Variants in ZNF865 observed in about 807,000 individuals in gnomAD.
The protein encoded by ZNF865 is zinc finger protein 865.
For synonymous variants in ZNF865, 763 were observed against 750.8 expected (o/e 1.02, Z -0.27); for missense variants, 1,311 against 1,593.4 (o/e 0.82, Z 3.02).
At position 55,614,567 on chromosome 19, in the gene ZNF865, C is replaced by G; in HGVS notation, c.949C>G (p.Pro317Ala). The change falls in exon 2 of 2, where the codon CCA (proline) becomes GCA (alanine). Residue 317 changes from proline (P) to alanine (A), a missense_variant. Transcript: ENST00000568956. This position sits in a 1 kb window ranked among gnomAD's most constrained non-coding sequence, Gnocchi z 8.0. ...CCCCTCCACGGTGTCCTCGGGCCCT[C>G]CAGCCACGCCCGTGGCGCCTGCCCC... is the stretch of plus-strand genomic sequence containing the variant. The part of the protein sequence containing the change: ...AAPSTVSSGP[P>A]ATPVAPAPSA... The G allele has an allele frequency of 6.7e-7, 1 of 1,493,550 alleles. No homozygotes were observed. The highest frequency in any genetic ancestry group is 1.3e-5 in the South Asian group (1 of 78,842). The allele number at this position is 1,493,550 out of a possible 1,614,324, so 92.5% of individuals were successfully genotyped here. A position where few individuals can be genotyped will look rare whatever the true frequency, so the allele number is the denominator to read the frequency against.
Position 55,614,075 on chromosome 19 carries a change from T to G in ZNF865, c.457T>G (p.Ser153Ala). Residue 153 changes from serine to alanine, a missense_variant, in exon 2 of 2, where the codon TCG (serine) becomes GCG (alanine). Ser to Ala is a moderately conservative substitution (Grantham distance 99). Coordinates refer to ENST00000568956, the MANE Select transcript of ZNF865 (RefSeq NM_001195605.2). This position sits in a 1 kb window ranked among gnomAD's most constrained non-coding sequence, Gnocchi z 8.0. The stretch of plus-strand genomic sequence containing the variant: ...TCCGCAGTGGGGCATCGTGGACCTC[T>G]CGGGGCACCAGCACTTGTTTGGGAA... ...PTPQWGIVDL[S>A]GHQHLFGNLK... 4.1e-6 allele frequency: 6 copies of G among 1,447,382 alleles called. No homozygotes were observed. Among genetic ancestry groups the G allele is most frequent in the Non-Finnish European group, 5.4e-6 (6 of 1,107,090 alleles). The allele number at this position is 1,447,382 out of a possible 1,614,324, so 89.7% of individuals were successfully genotyped here.
Position 55,614,125 on chromosome 19 carries a change from C to CGGGCCGGGG in ZNF865, c.509_517dup (p.Gly170_Gly172dup). 1 of 1,426,784 alleles carries CGGGCCGGGG rather than the reference C, an allele frequency of 7.0e-7. No homozygotes were observed. Among genetic ancestry groups the CGGGCCGGGG allele is most frequent in the Non-Finnish European group, 9.1e-7 (1 of 1,099,846 alleles). 88.4% of individuals were successfully genotyped at this position (1,426,784 alleles called of 1,614,324 possible). On this transcript the variant is annotated inframe_insertion, in exon 2 of 2. Coordinates refer to ENST00000568956, the MANE Select transcript of ZNF865 (RefSeq NM_001195605.2). This position sits in a 1 kb window ranked among gnomAD's most constrained non-coding sequence, Gnocchi z 8.0. ...ACCTGAAGCGAGGAGGGCCCGCGTC[C>CGGGCCGGGG]GGGCCGGGGGTGACGCCTGGGCTGG...
Position 55,613,993 on chromosome 19 carries a change from C to G in ZNF865, c.375C>G (p.Pro125=). 3.9e-6 allele frequency: 6 copies of G among 1,520,636 alleles called. No individual in the cohort carries two copies. Among genetic ancestry groups the G allele is most frequent in the Non-Finnish European group, 4.4e-6 (5 of 1,138,746 alleles). The allele number at this position is 1,520,636 out of a possible 1,614,324, so 94.2% of individuals were successfully genotyped here. Residue 125 remains proline, a synonymous_variant, in exon 2 of 2, where the codon CCC becomes CCG. Transcript: ENST00000568956. ...CCCAAGCCAAGAAGCCCGATCCGCCCCTGCCGCCCGCCTTCGGGGCGCCCC... is the reference window on the plus strand; with the variant it reads ...CCCAAGCCAAGAAGCCCGATCCGCCGCTGCCGCCCGCCTTCGGGGCGCCCC... ...SSSQAKKPDP[P]LPPAFGAPPP...
In ZNF865 at chr19:55,615,947, G is replaced by T; in HGVS notation, c.2329G>T (p.Ala777Ser). 1 of 1,510,142 alleles carries T rather than the reference G, an allele frequency of 6.6e-7. No individual in the cohort carries two copies. Among genetic ancestry groups the T allele is most frequent in the Non-Finnish European group, 8.8e-7 (1 of 1,134,940 alleles). The allele number at this position is 1,510,142 out of a possible 1,614,324, so 93.5% of individuals were successfully genotyped here. A position where few individuals can be genotyped will look rare whatever the true frequency, so the allele number is the denominator to read the frequency against. ...VSGGEDAGGA[A>S]VAGAGGGASS... ...TGGGGGTGAGGACGCAGGCGGGGCG[G>T]CGGTGGCAGGTGCTGGCGGGGGTGC... Residue 777 changes from alanine to serine, a missense_variant, in exon 2 of 2, where the codon GCG becomes TCG. By Grantham distance (99) the Ala-to-Ser change is moderately conservative. Transcript: ENST00000568956.
rs1395775346 is a variant in ZNF865 at position 55,614,849 on chromosome 19, A to G, written c.1231A>G (p.Ile411Val). The G allele has an allele frequency of 2.0e-6, 3 of 1,527,436 alleles. No homozygotes were observed. Among genetic ancestry groups the G allele is most frequent in the African/African-American group, 1.4e-5 (1 of 72,430 alleles). 94.6% of individuals were successfully genotyped at this position (1,527,436 alleles called of 1,614,324 possible). A position where few individuals can be genotyped will look rare whatever the true frequency, so the allele number is the denominator to read the frequency against. ...SADLLRLPCG[I>V]CGKAFRDASY... The stretch of plus-strand genomic sequence containing the variant: ...CGACCTCCTGCGCCTGCCCTGCGGC[A>G]TCTGCGGGAAGGCCTTCCGCGACGC... The change falls in exon 2 of 2, where the codon ATC becomes GTC. Residue 411 changes from isoleucine to valine, a missense_variant. Ile to Val is a conservative substitution (Grantham distance 29). Transcript: ENST00000568956. This position sits in a 1 kb window ranked among gnomAD's most constrained non-coding sequence, Gnocchi z 8.0.
chr19:55,614,149 G>T lies in ZNF865; in HGVS notation c.531G>T (p.Leu177=). ...CCGGGCCGGGGGTGACGCCTGGGCT[G>T]GGCGCTCCCGCGGGGGCCCCAGGGC... ...PASGPGVTPG[L]GAPAGAPGPL... is the part of the protein sequence containing the mutation. The change falls in exon 2 of 2, where the codon CTG becomes CTT. Residue 177 remains leucine (L), a synonymous_variant. Transcript: ENST00000568956. The surrounding 1 kb of genome is among the most constrained non-coding windows in gnomAD (Gnocchi z 8.0). 2.1e-6 allele frequency: 3 copies of T among 1,440,536 alleles called. No homozygotes were observed. Among genetic ancestry groups the T allele is most frequent in the Middle Eastern group, 1.8e-4 (1 of 5,514 alleles). The allele number at this position is 1,440,536 out of a possible 1,614,324, so 89.2% of individuals were successfully genotyped here.
rs1361808270 is a variant in ZNF865 at position 55,616,265 on chromosome 19, C to T, written c.2647C>T (p.Arg883Ter). 2.0e-6 allele frequency: 3 copies of T among 1,520,648 alleles called. No individual in the cohort carries two copies. Among genetic ancestry groups the T allele is most frequent in the African/African-American group, 1.4e-5 (1 of 72,112 alleles). The allele number at this position is 1,520,648 out of a possible 1,614,324, so 94.2% of individuals were successfully genotyped here. Residue 883 changes from arginine to a stop codon, truncating the protein, a stop_gained, in exon 2 of 2, where the codon CGA becomes TGA. Transcript: ENST00000568956. LOFTEE classifies it low-confidence loss of function (END_TRUNC). ...GCCGTACCGATGTGGCGTGTGCGGC[C>T]GAGGCTTCCTGCGCTCCTGGTACCT... Reference protein sequence around the residue: ...QRPYRCGVCGRGFLRSWYLRQ... With the variant: ...QRPYRCGVCG
At position 55,614,516 on chromosome 19, in the gene ZNF865, G is replaced by A. The variant is rs1336277223; in HGVS notation, c.898G>A (p.Ala300Thr). ...HLPPLGLPAP[A>T]ASAATAAAPS... Reference sequence around the variant, plus strand: ...CCCGCCGCTGGGCCTCCCAGCACCCGCTGCCAGCGCCGCCACCGCCGCCGC... The same window carrying A: ...CCCGCCGCTGGGCCTCCCAGCACCCACTGCCAGCGCCGCCACCGCCGCCGC... The change falls in exon 2 of 2, where the codon GCT (alanine) becomes ACT (threonine). Residue 300 changes from alanine to threonine, a missense_variant. Ala to Thr is a moderately conservative substitution (Grantham distance 58). Coordinates refer to ENST00000568956, the MANE Select transcript of ZNF865 (RefSeq NM_001195605.2). The surrounding 1 kb of genome is among the most constrained non-coding windows in gnomAD (Gnocchi z 8.0). 14 of 1,214,686 alleles carry A rather than the reference G, an allele frequency of 1.2e-5. No homozygotes were observed. The highest frequency in any genetic ancestry group is 3.1e-4 in the Middle Eastern group (1 of 3,226). 75.2% of individuals were successfully genotyped at this position (1,214,686 alleles called of 1,614,324 possible).
In ZNF865 at chr19:55,615,090, C is replaced by A. The variant is rs1005493440; in HGVS notation, c.1472C>A (p.Pro491Gln). The A allele has an allele frequency of 3.3e-6, 4 of 1,205,374 alleles. No individual in the cohort carries two copies. Among genetic ancestry groups the A allele is most frequent in the Non-Finnish European group, 4.1e-6 (4 of 969,168 alleles). The allele number at this position is 1,205,374 out of a possible 1,614,324, so 74.7% of individuals were successfully genotyped here. A position where few individuals can be genotyped will look rare whatever the true frequency, so the allele number is the denominator to read the frequency against. ...CCCCCGCCCACCTTCCCCCCGGGCCCGTACCTCCTGCCCCCCGACCCTCCC... is the reference window on the plus strand; with the variant it reads ...CCCCCGCCCACCTTCCCCCCGGGCCAGTACCTCCTGCCCCCCGACCCTCCC... ...PQPPPTFPPG[P>Q]YLLPPDPPTT... The change falls in exon 2 of 2, where the codon CCG becomes CAG. Residue 491 changes from proline to glutamine, a missense_variant. By Grantham distance (76) the Pro-to-Gln change is moderately conservative. Transcript: ENST00000568956.
rs1013767552 is a variant in ZNF865 at position 55,614,213 on chromosome 19, G to A, written c.595G>A (p.Ala199Thr). The A allele has an allele frequency of 2.2e-4, 332 of 1,504,218 alleles. No homozygotes were observed. Among genetic ancestry groups the A allele is most frequent in the Non-Finnish European group, 2.7e-4 (311 of 1,131,968 alleles). The allele number at this position is 1,504,218 out of a possible 1,614,324, so 93.2% of individuals were successfully genotyped here. The stretch of plus-strand genomic sequence containing the variant: ...CTCGCAGACCCCGCCAGGACCCCCC[G>A]CGGCGGCGGCCTGCGACCCCACCAA... ...APSQTPPGPP[A>T]AAACDPTKDD... The change falls in exon 2 of 2, where the codon GCG becomes ACG. Residue 199 changes from alanine (A) to threonine (T), a missense_variant. By Grantham distance (58) the Ala-to-Thr change is moderately conservative. Transcript: ENST00000568956. The surrounding 1 kb of genome is among the most constrained non-coding windows in gnomAD (Gnocchi z 8.0).
intron 1 of ZNF865, chr19:55,613,227 C>T (rs559199502): frequency 4.4e-5 from 9 of 202,480 alleles, no homozygotes; most frequent in Admixed American, 1.2e-4. Flanking sequence ...AGCAAAACCC[C>T]GTTTCTACAA....
In ZNF865 at chr19:55,616,933, C is replaced by T. The variant is rs907041305; in HGVS notation, c.*135C>T. 1.2e-5 allele frequency: 11 copies of T among 952,952 alleles called. No homozygotes were observed. The highest frequency in any genetic ancestry group is 3.6e-5 in the Admixed American group (1 of 28,044). The allele number at this position is 952,952 out of a possible 1,614,324, so 59.0% of individuals were successfully genotyped here. A position where few individuals can be genotyped will look rare whatever the true frequency, so the allele number is the denominator to read the frequency against. ...TCACACGGACTGGCGACCTTCAGGG[C>T]GCACGCCCGACAGGCTCAAGACTGA... On this transcript the variant is annotated 3_prime_UTR_variant, in exon 2 of 2. Coordinates refer to ENST00000568956, the MANE Select transcript of ZNF865 (RefSeq NM_001195605.2).
In ZNF865 at chr19:55,614,981, A is replaced by G; in HGVS notation, c.1363A>G (p.Ser455Gly). 1 of 1,420,516 alleles carries G rather than the reference A, an allele frequency of 7.0e-7. No homozygotes were observed. The highest frequency in any genetic ancestry group is 9.1e-7 in the Non-Finnish European group (1 of 1,094,610). 88.0% of individuals were successfully genotyped at this position (1,420,516 alleles called of 1,614,324 possible). Residue 455 changes from serine (S) to glycine (G), a missense_variant, in exon 2 of 2, where the codon AGC becomes GGC. Physicochemically the swap from Ser to Gly is moderately conservative, Grantham distance 56 (BLOSUM62 0). Transcript: ENST00000568956. The surrounding 1 kb of genome is among the most constrained non-coding windows in gnomAD (Gnocchi z 8.0). ...CGGCAAGTCCTACTCGGCTCCGCAGAGCCTGCTCCGCCACAAGGCCGCCCA... is the reference window on the plus strand; with the variant it reads ...CGGCAAGTCCTACTCGGCTCCGCAGGGCCTGCTCCGCCACAAGGCCGCCCA... ...LCGKSYSAPQ[S>G]LLRHKAAHAP...
In ZNF865 at chr19:55,615,981, G is replaced by A. The variant is rs1265203619; in HGVS notation, c.2363G>A (p.Gly788Asp). The A allele has an allele frequency of 6.6e-7, 1 of 1,519,112 alleles. No homozygotes were observed. Among genetic ancestry groups the A allele is most frequent in the Admixed American group, 2.0e-5 (1 of 49,990 alleles). 94.1% of individuals were successfully genotyped at this position (1,519,112 alleles called of 1,614,324 possible). The change falls in exon 2 of 2, where the codon GGC (glycine) becomes GAC (aspartate). Residue 788 changes from glycine to aspartate, a missense_variant. By Grantham distance (94) the Gly-to-Asp change is moderately conservative. Coordinates refer to ENST00000568956, the MANE Select transcript of ZNF865 (RefSeq NM_001195605.2). ...GGTGCTGGCGGGGGTGCCAGTTCCG[G>A]CCCCGAGCGCTTCAGCTGTGCCACG... The part of the protein sequence containing the change: ...VAGAGGGASS[G>D]PERFSCATCG...
rs961316433 is a variant in ZNF865, at chr19:55,614,807, G to T, written c.1189G>T (p.Val397Leu). 3.9e-6 allele frequency: 6 copies of T among 1,547,420 alleles called. No individual in the cohort carries two copies. In the African/African-American group the frequency reaches 8.2e-5, roughly 21 times the overall value. ...FNRRESLKRH[V>L]KTHSADLLRL... is the part of the protein sequence containing the mutation. The stretch of plus-strand genomic sequence containing the variant: ...CCGCAGGGAGAGTCTGAAGCGCCAC[G>T]TGAAGACGCACTCGGCCGACCTCCT... The change falls in exon 2 of 2, where the codon GTG becomes TTG. Residue 397 changes from valine to leucine, a missense_variant. Transcript: ENST00000568956. The surrounding 1 kb of genome is among the most constrained non-coding windows in gnomAD (Gnocchi z 8.0).
Position 55,616,486 on chromosome 19 carries a change from C to G in ZNF865, c.2868C>G (p.Gly956=). The part of the protein sequence containing the change: ...NLLEHQRLHL[G]ERAYRCEHCG... ...TGGAGCACCAGCGGCTGCACCTGGGCGAGCGCGCCTACCGCTGTGAGCACT... is the reference window on the plus strand; with the variant it reads ...TGGAGCACCAGCGGCTGCACCTGGGGGAGCGCGCCTACCGCTGTGAGCACT... Residue 956 remains glycine, a synonymous_variant, in exon 2 of 2, where the codon GGC becomes GGG. Transcript: ENST00000568956. 2.0e-6 allele frequency: 3 copies of G among 1,533,666 alleles called. No individual in the cohort carries two copies. Among genetic ancestry groups the G allele is most frequent in the Non-Finnish European group, 8.7e-7 (1 of 1,145,684 alleles).
Position 55,616,301 on chromosome 19 carries a change from C to A in ZNF865, c.2683C>A (p.Arg895Ser). The A allele has an allele frequency of 6.6e-7, 1 of 1,520,052 alleles. No individual in the cohort carries two copies. The highest frequency in any genetic ancestry group is 2.1e-5 in the Admixed American group (1 of 48,628). 94.2% of individuals were successfully genotyped at this position (1,520,052 alleles called of 1,614,324 possible). A position where few individuals can be genotyped will look rare whatever the true frequency, so the allele number is the denominator to read the frequency against. Reference sequence around the variant, plus strand: ...GCGCTCCTGGTACCTGCGGCAGCACCGCGTGGTGCACACTGGCGAGCGGGC... The same window carrying A: ...GCGCTCCTGGTACCTGCGGCAGCACAGCGTGGTGCACACTGGCGAGCGGGC... ...FLRSWYLRQHRVVHTGERAFK... is the reference protein window; with the variant it reads ...FLRSWYLRQHSVVHTGERAFK... Residue 895 changes from arginine (R) to serine (S), a missense_variant, in exon 2 of 2, where the codon CGC becomes AGC. Coordinates refer to ENST00000568956, the MANE Select transcript of ZNF865 (RefSeq NM_001195605.2).
rs1157783336 is a variant in ZNF865, at chr19:55,614,887, C to G, written c.1269C>G (p.Leu423=). 5 of 1,506,856 alleles carry G rather than the reference C, an allele frequency of 3.3e-6. No individual in the cohort carries two copies. The Admixed American group carries it at 6.3e-5, about 19-fold the overall frequency. The allele number at this position is 1,506,856 out of a possible 1,614,324, so 93.3% of individuals were successfully genotyped here. Residue 423 remains leucine (L), a synonymous_variant, in exon 2 of 2, where the codon CTC becomes CTG. Transcript: ENST00000568956. This position sits in a 1 kb window ranked among gnomAD's most constrained non-coding sequence, Gnocchi z 8.0. ...CCTTCCGCGACGCCTCCTACCTCCTCAAGCACCAGGCGGCCCACGCGGGGG... is the reference window on the plus strand; with the variant it reads ...CCTTCCGCGACGCCTCCTACCTCCTGAAGCACCAGGCGGCCCACGCGGGGG... ...GKAFRDASYL[L]KHQAAHAGAG...
In ZNF865 at chr19:55,614,426, C is replaced by T; in HGVS notation, c.808C>T (p.His270Tyr). 6.9e-7 allele frequency: 1 copy of T among 1,458,366 alleles called. No individual in the cohort carries two copies. The highest frequency in any genetic ancestry group is 1.3e-5 in the South Asian group (1 of 76,766). The allele number at this position is 1,458,366 out of a possible 1,614,324, so 90.3% of individuals were successfully genotyped here. ...CAACCACGTGTCCAGCCTCATCCGCCACCGCCGCTGCCACAAGGACGTGCC... is the reference window on the plus strand; with the variant it reads ...CAACCACGTGTCCAGCCTCATCCGCTACCGCCGCTGCCACAAGGACGTGCC... ...TYNHVSSLIR[H>Y]RRCHKDVPPA... The change falls in exon 2 of 2, where the codon CAC becomes TAC. Residue 270 changes from histidine to tyrosine, a missense_variant. Coordinates refer to ENST00000568956, the MANE Select transcript of ZNF865 (RefSeq NM_001195605.2). This position sits in a 1 kb window ranked among gnomAD's most constrained non-coding sequence, Gnocchi z 8.0.
Sources: gnomAD v4.1 joint callset for allele counts on GRCh38, gnomAD v4.1.1 for gene constraint, Gnocchi (gnomAD v3.1) non-coding constraint, MANE v1.5 for transcripts, NCBI Gene and HGNC (gene_info 2026-07-23, HGNC 2026-07-21) for gene names.